The following DNAJC6 variants were observed in gnomAD, a reference collection of about 807,000 sequenced individuals.
The protein encoded by DNAJC6 is DnaJ heat shock protein family (Hsp40) member C6, also known as auxilin.
In DNAJC6, 34 loss-of-function variants were observed where a neutral mutation model predicts 110.0. The ratio of observed to expected loss-of-function variants is 0.31; its 90% confidence interval spans 0.24 to 0.41. The LOEUF (loss-of-function observed/expected upper bound fraction) is 0.41. Among genes scored for constraint, DNAJC6 ranks in the 10% least tolerant of loss-of-function variants. DNAJC6 has a pLI of 1.00. For missense variants in DNAJC6, 1,031 were observed against 1,207.8 expected, an observed-to-expected ratio of 0.85 and a Z score of 2.17; for synonymous variants, 406 against 437.2, an observed-to-expected ratio of 0.93 and a Z score of 0.89.
At chr1:65,315,285 GTT>G (rs59005722) in intron 1 of DNAJC6, among the ~76,000 whole-genome samples, 86 of 145,860 alleles carry the variant, frequency 5.9e-4, no homozygotes, top group African/African-American at 1.9e-3. Context: ...TGAGAATAAT[GTT>G]TTTTTTTTTT....
upstream of DNAJC6, among the ~76,000 whole-genome samples, chr1:65,306,005 G>A (rs1039131003): frequency 1.3e-5 from 2 of 151,962 alleles, no homozygotes; most frequent in African/African-American, 4.8e-5. Context: ...GAGGCAGAGA[G>A]GTTAAGTAAC....
At chr1:65,268,901 A>T (rs1293732345) in intron 1 of DNAJC6, among the ~76,000 whole-genome samples, 1 of 152,214 alleles carries the variant, frequency 6.6e-6, no homozygotes, top group Non-Finnish European at 1.5e-5. Flanking sequence ...GAGGCACAAA[A>T]TAATAAGAAT....
At chr1:65,315,943 T>C (rs894969369) in intron 1 of DNAJC6, among the ~76,000 whole-genome samples, 10 of 152,146 alleles carry the variant, frequency 6.6e-5, no homozygotes, top group African/African-American at 2.4e-4. Flanking sequence ...TTTAATCCCA[T>C]GAAAGTACAA....
At chr1:65,346,135 C>T in intron 1 of DNAJC6, among the ~76,000 whole-genome samples, 1 of 152,144 alleles carries the variant, frequency 6.6e-6, no homozygotes, top group East Asian at 1.9e-4. Context: ...ACTGGGTTTG[C>T]TTAGCCTCAT....
At chr1:65,373,814 T>A (rs1645732571) in intron 4 of DNAJC6, among the ~76,000 whole-genome samples, 1 of 152,172 alleles carries the variant, frequency 6.6e-6, no homozygotes, top group Non-Finnish European at 1.5e-5. Context: ...ATTTTTGCTT[T>A]GGTTGTGTGT....
chr1:65,313,763 C>G (rs1645123976), intron 1 of DNAJC6, among the ~76,000 whole-genome samples: 1 of 152,220 alleles, frequency 6.6e-6, no homozygotes, highest in Admixed American at 6.5e-5. Context: ...GATACCAGAG[C>G]AGTCTCCTAG....
At chr1:65,318,567 C>G (rs1274746451) in intron 1 of DNAJC6, among the ~76,000 whole-genome samples, 1 of 152,148 alleles carries the variant, frequency 6.6e-6, no homozygotes, top group African/African-American at 2.4e-5. Flanking sequence ...ATGGATGGAG[C>G]TGGAAGCTGT....
intron 1 of DNAJC6, among the ~76,000 whole-genome samples, chr1:65,341,853 T>TGA (rs1645392416): frequency 6.6e-6 from 1 of 152,112 alleles, no homozygotes; most frequent in African/African-American, 2.4e-5. Context: ...CTTGAGCCAC[T>TGA]GTCATCATCC....
chr1:65,270,735 G>A (rs1329428944), intron 1 of DNAJC6, among the ~76,000 whole-genome samples: 1 of 152,178 alleles, frequency 6.6e-6, no homozygotes, highest in Non-Finnish European at 1.5e-5. Context: ...CAGGAGTTCA[G>A]TGGTGCGATC....
At chr1:65,274,982 TG>T (rs1653621150) in intron 1 of DNAJC6, among the ~76,000 whole-genome samples, 1 of 152,186 alleles carries the variant, frequency 6.6e-6, no homozygotes. Flanking sequence ...TTTCAGACAA[TG>T]TTAGGCGCTT....
At chr1:65,379,028 T>G (rs1489174595) in intron 4 of DNAJC6, among the ~76,000 whole-genome samples, 1 of 152,226 alleles carries the variant, frequency 6.6e-6, no homozygotes, top group Non-Finnish European at 1.5e-5. Flanking sequence ...AAATTAGAGA[T>G]GGTGCAGGAC....
At chr1:65,386,954 C>T (rs1324789547) in intron 8 of DNAJC6, 25 bp downstream of exon 8, 4 of 1,572,274 alleles carry the variant, frequency 2.5e-6, no homozygotes, top group Non-Finnish European at 3.5e-6. Flanking sequence ...AGAATCATGG[C>T]ATAAGTTCAT....
chr1:65,405,623 A>G (rs886646523), intron 15 of DNAJC6, among the ~76,000 whole-genome samples: 8 of 152,180 alleles, frequency 5.3e-5, no homozygotes, highest in African/African-American at 1.2e-4. Context: ...AAATCACTTA[A>G]CTGCTCTGAC....
exon 1 of DNAJC6, chr1:65,264,780 A>T (rs1653258923): frequency 6.6e-7 from 1 of 1,504,328 alleles, no homozygotes; most frequent in South Asian, 1.3e-5. Context: ...TGCAATTATC[A>T]TAGCCCGAGT....
chr1:65,383,897 A>G (rs1007047048), intron 5 of DNAJC6, among the ~76,000 whole-genome samples: 3 of 152,226 alleles, frequency 2.0e-5, no homozygotes, highest in Non-Finnish European at 4.4e-5. Context: ...CTATTAATTC[A>G]ACAAGTCCAA....
At chr1:65,304,873 C>G (rs1044356747), upstream of DNAJC6, among the ~76,000 whole-genome samples, 4 of 152,098 alleles carry the variant, frequency 2.6e-5, no homozygotes, top group Non-Finnish European at 5.9e-5. Context: ...GCCTATATAC[C>G]CTCTGTAAAG....
At chr1:65,376,554 T>C (rs1355652518) in intron 4 of DNAJC6, among the ~76,000 whole-genome samples, 1 of 151,782 alleles carries the variant, frequency 6.6e-6, no homozygotes, top group Non-Finnish European at 1.5e-5. Flanking sequence ...GTACTTCTTT[T>C]GCTGTATCCC....
At chr1:65,375,409 G>T (rs1645751690) in intron 4 of DNAJC6, among the ~76,000 whole-genome samples, 1 of 150,022 alleles carries the variant, frequency 6.7e-6, no homozygotes, top group South Asian at 2.1e-4. Flanking sequence ...AGCCATCCTT[G>T]TACCAATGAA....
chr1:65,365,778 C>T (rs1363025847), intron 2 of DNAJC6, 107 bp from the exon 3 acceptor site: 1 of 1,225,160 alleles, frequency 8.2e-7, no homozygotes, highest in African/African-American at 1.5e-5. Context: ...TCGAAACATG[C>T]CCCCTGGACA....
Sources: gnomAD v4.1 joint callset for allele counts (sites outside exome capture counted in the v4.1 genomes callset) on GRCh38, gnomAD v4.1.1 for gene constraint, MANE v1.5 for transcripts, NCBI Gene and HGNC (gene_info 2026-07-23, HGNC 2026-07-21) for gene names.